The following CEP63 variants were observed in gnomAD, a reference collection of about 807,000 sequenced individuals.
CEP63 encodes the protein centrosomal protein of 63 kDa.
A neutral mutation model predicts 89.1 loss-of-function variants in CEP63; 84 were observed. The observed-to-expected ratio is 0.94, with a 90% CI of 0.79 to 1.13. The LOEUF is 1.13. Ranked by LOEUF, CEP63 falls within the 50% of genes most tolerant of loss-of-function variation. The pLI, the probability that CEP63 is intolerant of heterozygous loss-of-function variation, is 0.00. For missense variants in CEP63, 838 were observed against 813.3 expected (o/e 1.03, Z -0.37); for synonymous variants, 267 against 272.5 (o/e 0.98, Z 0.20).
chr3:134,762,070 A>G, the CEP63 span, among the ~76,000 whole-genome samples: 1 of 152,180 alleles, frequency 6.6e-6, no homozygotes, highest in African/African-American at 2.4e-5. Context: ...TCAGCTATAT[A>G]TAGTGTCTGA....
At chr3:134,616,100 G>T in the CEP63 span, among the ~76,000 whole-genome samples, 2 of 152,340 alleles carry the variant, frequency 1.3e-5, no homozygotes, top group African/African-American at 4.8e-5. Context: ...CTTGGCTCCT[G>T]CGAGGAAATT....
the CEP63 span, among the ~76,000 whole-genome samples, chr3:134,748,836 G>A: frequency 6.6e-6 from 1 of 152,206 alleles, no homozygotes. Context: ...AGCTAAGTAG[G>A]ACACGGATGC....
At chr3:134,708,140 C>A in the CEP63 span, among the ~76,000 whole-genome samples, 34 of 152,148 alleles carry the variant, frequency 2.2e-4, no homozygotes, top group African/African-American at 8.2e-4. Context: ...ATCCTTGCAC[C>A]CTTGCTTGCT....
At chr3:134,523,754 G>GT (rs913405112) in intron 3 of CEP63, among the ~76,000 whole-genome samples, 1 of 152,100 alleles carries the variant, frequency 6.6e-6, no homozygotes, top group Non-Finnish European at 1.5e-5. Context: ...CTATGTATCT[G>GT]TTTTTGTACC....
the CEP63 span, among the ~76,000 whole-genome samples, chr3:134,694,995 G>A: frequency 6.6e-6 from 1 of 152,320 alleles, no homozygotes; most frequent in African/African-American, 2.4e-5. Flanking sequence ...GGTCTTGAGG[G>A]AAAGTGATGT....
chr3:134,499,898 A>G (rs1941440282), intron 2 of CEP63, among the ~76,000 whole-genome samples: 1 of 134,304 alleles, frequency 7.4e-6, no homozygotes, highest in Non-Finnish European at 1.5e-5. Context: ...ATCTTGGCTC[A>G]CTGCAACCTC....
the CEP63 span, among the ~76,000 whole-genome samples, chr3:134,761,571 C>T: frequency 6.6e-6 from 1 of 152,136 alleles, no homozygotes; most frequent in Non-Finnish European, 1.5e-5. Context: ...TTTGCTGACA[C>T]GGCCAACAGC....
chr3:134,652,637 TAC>T, the CEP63 span, among the ~76,000 whole-genome samples: 7,158 of 143,896 alleles, frequency 0.05, 461 homozygotes, highest in African/African-American at 0.14. Flanking sequence ...TGTGTGCAGG[TAC>T]ACACACACAC....
downstream of CEP63, among the ~76,000 whole-genome samples, chr3:134,567,446 T>C (rs1184674461): frequency 7.0e-6 from 1 of 141,968 alleles, no homozygotes; most frequent in African/African-American, 2.7e-5. Flanking sequence ...AGTATGTAAA[T>C]TATATCTTAA....
chr3:134,586,564 G>C (rs572884539), intron 10 of CEP63, among the ~76,000 whole-genome samples: 1 of 152,192 alleles, frequency 6.6e-6, no homozygotes, highest in Non-Finnish European at 1.5e-5. Flanking sequence ...GAGATCTGCT[G>C]TTAGTCTGAT....
chr3:134,511,833 C>A (rs1167715243), intron 3 of CEP63, among the ~76,000 whole-genome samples: 1 of 152,200 alleles, frequency 6.6e-6, no homozygotes, highest in Admixed American at 6.5e-5. Context: ...CACCAGGCCC[C>A]TTCTCCAACA....
At chr3:134,632,113 A>C in the CEP63 span, among the ~76,000 whole-genome samples, 1 of 152,124 alleles carries the variant, frequency 6.6e-6, no homozygotes, top group East Asian at 1.9e-4. Context: ...TTTAAAATAC[A>C]TGAAACAAGA....
At chr3:134,755,820 G>A in the CEP63 span, 1 of 152,232 alleles carries the variant, frequency 6.6e-6, no homozygotes, top group East Asian at 1.9e-4. Flanking sequence ...CTGGTGCTTT[G>A]AGTTTTCCAA....
the CEP63 span, among the ~76,000 whole-genome samples, chr3:134,747,346 T>C: frequency 1.3e-5 from 2 of 152,206 alleles, no homozygotes; most frequent in African/African-American, 2.4e-5. Context: ...ATTGGCAATA[T>C]AGTGATGAGC....
chr3:134,614,362 A>G, the CEP63 span, among the ~76,000 whole-genome samples: 1 of 152,188 alleles, frequency 6.6e-6, no homozygotes. Flanking sequence ...TTGCCTCCAT[A>G]GCTCATGGCT....
downstream of CEP63, among the ~76,000 whole-genome samples, chr3:134,567,398 A>G (rs1182878148): frequency 6.6e-6 from 1 of 151,864 alleles, no homozygotes; most frequent in Non-Finnish European, 1.5e-5. Context: ...AACAACTAAA[A>G]ACAACTGAAT....
the CEP63 span, among the ~76,000 whole-genome samples, chr3:134,757,567 A>G: frequency 1.3e-5 from 2 of 152,176 alleles, no homozygotes; most frequent in African/African-American, 2.4e-5. Flanking sequence ...ATCAAGAATT[A>G]CTCCAAAATT....
chr3:134,608,436 T>C, the CEP63 span: 1 of 1,512,396 alleles, frequency 6.6e-7, no homozygotes, highest in Non-Finnish European at 8.8e-7. Flanking sequence ...TTGTCCCTGC[T>C]GATGTGGCCT....
chr3:134,539,553 A>G (rs111524912), intron 6 of CEP63, among the ~76,000 whole-genome samples: 2 of 152,202 alleles, frequency 1.3e-5, no homozygotes, highest in African/African-American at 4.8e-5. Context: ...CCAGAAAACT[A>G]TCTTTTTACA....
Sources: allele counts gnomAD v4.1 joint callset (sites outside exome capture counted in the v4.1 genomes callset), GRCh38; gene constraint gnomAD v4.1.1; transcripts MANE v1.5; gene names NCBI Gene and HGNC (gene_info 2026-07-23, HGNC 2026-07-21).